The following HTR1E variants were observed in gnomAD, a reference collection of about 807,000 sequenced individuals.
The protein encoded by HTR1E is 5-HT-1E.
HTR1E carries 3 observed loss-of-function variants against 3.4 expected under a neutral mutation model. The ratio of observed to expected loss-of-function variants is 0.89; its 90% CI spans 0.41 to 2.31. HTR1E has a LOEUF of 2.31. Ranked by LOEUF, HTR1E falls within the 30% of genes most tolerant of loss-of-function variation. The probability of loss-of-function intolerance (pLI) is 0.05; values close to 1 mark genes in which losing one functional copy is unlikely to be tolerated. For missense variants in HTR1E, 392 were observed against 467.0 expected (o/e 0.84, Z 1.48); for synonymous variants, 170 against 182.8 (o/e 0.93, Z 0.56).
At chr6:86,994,996 A>G (rs1767916009) in intron 1 of HTR1E, among the ~76,000 whole-genome samples, 1 of 152,112 alleles carries the variant, frequency 6.6e-6, no homozygotes, top group Non-Finnish European at 1.5e-5. Flanking sequence ...AAAAACACTA[A>G]AAGTAAATTA....
At chr6:86,978,547 C>T (rs762948304) in intron 1 of HTR1E, among the ~76,000 whole-genome samples, 6 of 152,152 alleles carry the variant, frequency 3.9e-5, no homozygotes, top group Non-Finnish European at 8.8e-5. Flanking sequence ...ACCACCCTGA[C>T]CAAAGCTGAC....
chr6:86,938,219 C>G (rs527984580), intron 1 of HTR1E, among the ~76,000 whole-genome samples: 2 of 152,094 alleles, frequency 1.3e-5, no homozygotes, highest in East Asian at 3.9e-4. Context: ...CTCCAGGGAC[C>G]CCGGAAGAAC....
chr6:86,958,397 A>C (rs1767355217), intron 1 of HTR1E, among the ~76,000 whole-genome samples: 1 of 152,050 alleles, frequency 6.6e-6, no homozygotes, highest in South Asian at 2.1e-4. Context: ...CAATGACCCC[A>C]AACATTCTGT....
chr6:87,003,483 G>C (rs184308338), intron 1 of HTR1E, among the ~76,000 whole-genome samples: 138 of 151,658 alleles, frequency 9.1e-4, no homozygotes, highest in African/African-American at 3.2e-3. Flanking sequence ...AGGTTGCAGT[G>C]AGCTGAGACT....
rs143445397 is a variant in HTR1E, at chr6:86,961,790, C to T, written c.-186+23967C>T. Reference sequence around the variant, plus strand: ...AAATATACATGTGCACACAAAAATGCATGCCTAGCTATATGAATTCTCATG... The same window carrying T: ...AAATATACATGTGCACACAAAAATGTATGCCTAGCTATATGAATTCTCATG... On this transcript the variant is annotated intron_variant, in intron 1 of 1. Transcript: ENST00000305344. 1.1e-3 allele frequency among the ~76,000 whole-genome samples: 160 copies of T among 152,334 alleles called. 1 individual carries two copies. The highest frequency in any genetic ancestry group is 3.4e-3 in the Middle Eastern group (1 of 294).
chr6:87,013,413 G>T (rs966432829), intron 1 of HTR1E, among the ~76,000 whole-genome samples: 5 of 152,154 alleles, frequency 3.3e-5, no homozygotes, highest in Non-Finnish European at 7.4e-5. Flanking sequence ...TCACAATAAA[G>T]TGGAAATTTA....
intron 1 of HTR1E, among the ~76,000 whole-genome samples, chr6:87,006,108 G>T (rs1398093625): frequency 6.6e-6 from 1 of 152,190 alleles, no homozygotes; most frequent in South Asian, 2.1e-4. Context: ...TGGAGAAAAT[G>T]GAATCCTTGT....
chr6:86,984,148 C>A (rs554892661), intron 1 of HTR1E, among the ~76,000 whole-genome samples: 1 of 152,130 alleles, frequency 6.6e-6, no homozygotes, highest in Non-Finnish European at 1.5e-5. Flanking sequence ...ATACATTCTA[C>A]AACTAGGCAT....
rs569815101 is a variant in HTR1E, at chr6:86,986,680, A to G, written c.-185-28470A>G. ...TTTCCCATTATATCTGAAGTACCTCACTTGTAGCAGTTAAGAAAAATAAAT... is the reference window on the plus strand; with the variant it reads ...TTTCCCATTATATCTGAAGTACCTCGCTTGTAGCAGTTAAGAAAAATAAAT... On this transcript the variant is annotated intron_variant, in intron 1 of 1. Transcript: ENST00000305344. Among the ~76,000 whole-genome samples the G allele has an allele frequency of 2.6e-5, 4 of 152,302 alleles. No individual in the cohort carries two copies. The East Asian group carries it at 7.7e-4, about 29-fold the overall frequency.
At chr6:87,014,776 C>T (rs942146027) in intron 1 of HTR1E, among the ~76,000 whole-genome samples, 1 of 151,824 alleles carries the variant, frequency 6.6e-6, no homozygotes, top group Non-Finnish European at 1.5e-5. Context: ...GGCACAGGGC[C>T]GGGAACATGA....
intron 1 of HTR1E, among the ~76,000 whole-genome samples, chr6:87,010,738 G>A (rs1422617600): frequency 3.3e-5 from 5 of 149,758 alleles, no homozygotes; most frequent in African/African-American, 1.2e-4. Context: ...TCACTTCCCA[G>A]ACGGGGTGGC....
intron 1 of HTR1E, among the ~76,000 whole-genome samples, chr6:86,970,203 C>T (rs1450075990): frequency 6.6e-6 from 1 of 152,132 alleles, no homozygotes; most frequent in Non-Finnish European, 1.5e-5. Flanking sequence ...AGCACAGCAA[C>T]ATTCAATAAA....
intron 1 of HTR1E, among the ~76,000 whole-genome samples, chr6:86,961,351 C>T (rs1442032899): frequency 1.3e-5 from 2 of 152,042 alleles, no homozygotes; most frequent in African/African-American, 2.4e-5. Flanking sequence ...ATGTCAGGTT[C>T]GTAAGAAAAA....
chr6:87,003,378 A>T (rs1216457228), intron 1 of HTR1E, among the ~76,000 whole-genome samples: 2 of 152,060 alleles, frequency 1.3e-5, no homozygotes, highest in African/African-American at 4.8e-5. Flanking sequence ...TCTCTACTTA[A>T]AAATAAAAAA....
At chr6:86,952,305 G>GA (rs1439598632) in intron 1 of HTR1E, among the ~76,000 whole-genome samples, 2 of 151,914 alleles carry the variant, frequency 1.3e-5, no homozygotes, top group Non-Finnish European at 2.9e-5. Context: ...CAAATTCCTA[G>GA]AAAAAAAGGG....
chr6:87,010,556 C>G (rs1013219571), intron 1 of HTR1E, among the ~76,000 whole-genome samples: 1 of 142,344 alleles, frequency 7.0e-6, no homozygotes, highest in African/African-American at 2.6e-5. Flanking sequence ...GATGGGCGGC[C>G]GGGCAGAGAC....
At chr6:86,947,056 T>G (rs1768626483) in intron 1 of HTR1E, among the ~76,000 whole-genome samples, 1 of 151,620 alleles carries the variant, frequency 6.6e-6, no homozygotes, top group Non-Finnish European at 1.5e-5. Context: ...GCGGAGGTTG[T>G]GGTGAGCCGA....
intron 1 of HTR1E, among the ~76,000 whole-genome samples, chr6:86,943,999 T>C (rs1023666982): frequency 2.0e-5 from 3 of 152,152 alleles, no homozygotes; most frequent in African/African-American, 7.2e-5. Flanking sequence ...AAGGTAACGC[T>C]TCCAAGCTCG....
chr6:87,013,188 A>C (rs1298104284), intron 1 of HTR1E, among the ~76,000 whole-genome samples: 1 of 152,198 alleles, frequency 6.6e-6, no homozygotes, highest in Non-Finnish European at 1.5e-5. Context: ...GAAGAATAAT[A>C]TGCCAAAGTC....
Sources: gnomAD v4.1 joint callset for allele counts (sites outside exome capture counted in the v4.1 genomes callset) on GRCh38, gnomAD v4.1.1 for gene constraint, MANE v1.5 for transcripts, NCBI Gene and HGNC (gene_info 2026-07-23, HGNC 2026-07-21) for gene names.